The following AKAP8L variants were observed in gnomAD, a reference collection of about 807,000 sequenced individuals.
AKAP8L encodes the protein A-kinase anchoring protein 8 like, also known as A-kinase anchor protein 8-like.
In AKAP8L, 34 loss-of-function variants were observed where a neutral mutation model predicts 77.5. The ratio of observed to expected loss-of-function variants is 0.44; its 90% CI spans 0.33 to 0.58. AKAP8L has a LOEUF of 0.58. Among genes scored for constraint, AKAP8L ranks in the 20% least tolerant of loss-of-function variants. AKAP8L has a pLI of 0.02. For synonymous variants in AKAP8L, 342 were observed against 340.7 expected (o/e 1.00, Z -0.04); for missense variants, 806 against 887.6 (o/e 0.91, Z 1.17).
chr19:15,393,854 G>A (rs865964201), intron 12 of AKAP8L, among the ~76,000 whole-genome samples: 2 of 146,416 alleles, frequency 1.4e-5, no homozygotes, highest in Admixed American at 7.0e-5. Context: ...GGTGAGCCGA[G>A]ATCGCGCCAT....
chr19:15,410,960 G>C (rs1030999305), intron 1 of AKAP8L, among the ~76,000 whole-genome samples: 1 of 151,982 alleles, frequency 6.6e-6, no homozygotes, highest in South Asian at 2.1e-4. Context: ...CTATACGTTC[G>C]TGCCATCATT....
In AKAP8L at chr19:15,401,162, T is replaced by C. The variant is rs1967889120; in HGVS notation, c.804A>G (p.Thr268=). The C allele has an allele frequency of 6.2e-7, 1 of 1,606,384 alleles. No individual in the cohort carries two copies. Among genetic ancestry groups the C allele is most frequent in the Admixed American group, 1.7e-5 (1 of 59,940 alleles). Residue 268 remains threonine, a synonymous_variant, in exon 5 of 14, where the codon ACA becomes ACG. Transcript: ENST00000397410. The surrounding 1 kb of genome is among the most constrained non-coding windows in gnomAD (Gnocchi z 6.2). ...QMRRTWKTWT[T]ADFRTKKKKR... is the part of the protein sequence containing the mutation. ...TGCCTCCACTCACTCGGAAGTCGGC[T>C]GTGGTCCAGGTCTTCCAGGTCCGCC... is the stretch of plus-strand genomic sequence containing the variant.
intron 12 of AKAP8L, among the ~76,000 whole-genome samples, chr19:15,391,588 C>CTGG (rs1348843221): frequency 0.8 from 118,746 of 149,098 alleles, 47,544 homozygotes; most frequent in East Asian, 0.99. Flanking sequence ...CTCCCAGGCA[C>CTGG]AGTGCAGTGG....
intron 2 of AKAP8L, among the ~76,000 whole-genome samples, chr19:15,408,359 AT>A (rs2145144152): frequency 6.7e-6 from 1 of 150,018 alleles, no homozygotes; most frequent in East Asian, 2.0e-4. Flanking sequence ...GAGATGGGGA[AT>A]TCAAGACCAG....
chr19:15,388,137 G>A (rs939842046), intron 12 of AKAP8L, among the ~76,000 whole-genome samples: 5 of 152,012 alleles, frequency 3.3e-5, no homozygotes, highest in Admixed American at 3.3e-4. Context: ...CGAGCCCATG[G>A]CTTCCTCCCT....
chr19:15,416,098 A>G (rs1369436066), intron 1 of AKAP8L, among the ~76,000 whole-genome samples: 3 of 151,802 alleles, frequency 2.0e-5, no homozygotes, highest in African/African-American at 7.3e-5. Context: ...AAGTGTTGTG[A>G]TTACAAGTGT....
intron 12 of AKAP8L, among the ~76,000 whole-genome samples, chr19:15,390,857 A>G (rs761194994): frequency 1.3e-5 from 2 of 152,250 alleles, no homozygotes; most frequent in Non-Finnish European, 2.9e-5. Flanking sequence ...AGCATTTGAC[A>G]AAGTCCAACA....
Position 15,401,541 on chromosome 19 carries a change from G to A in AKAP8L, c.425C>T (p.Ser142Leu), listed in dbSNP as rs1358534018. 1 of 1,613,532 alleles carries A rather than the reference G, an allele frequency of 6.2e-7. No individual in the cohort carries two copies. Among genetic ancestry groups the A allele is most frequent in the Non-Finnish European group, 8.5e-7 (1 of 1,179,800 alleles). Residue 142 changes from serine (S) to leucine (L), a missense_variant, in exon 5 of 14, where the codon TCA (serine) becomes TTA (leucine). By Grantham distance (145) the Ser-to-Leu change is moderately radical (BLOSUM62 -2). Transcript: ENST00000397410. The surrounding 1 kb of genome is among the most constrained non-coding windows in gnomAD (Gnocchi z 6.2). ...GTCAAGCTCGCTGTAGTCATAGCCT[G>A]ACCGGTACAGGTCGCGCTCACTCAG... is the stretch of plus-strand genomic sequence containing the variant. ...AVLSERDLYR[S>L]GYDYSELDPE... is the part of the protein sequence containing the mutation.
chr19:15,418,314 T>C (rs78392860), intron 1 of AKAP8L, among the ~76,000 whole-genome samples: 1,797 of 152,340 alleles, frequency 0.012, 23 homozygotes, highest in African/African-American at 0.041. Flanking sequence ...GGAATTAACA[T>C]GGAACCTTGT....
intron 12 of AKAP8L, among the ~76,000 whole-genome samples, chr19:15,390,718 AC>A (rs1354521374): frequency 1.3e-5 from 2 of 152,200 alleles, no homozygotes; most frequent in Non-Finnish European, 2.9e-5. Flanking sequence ...ACATAATTAC[AC>A]ACTATGACCA....
Position 15,397,711 on chromosome 19 carries a change from C to T in AKAP8L, c.1299+3G>A. 4 of 1,614,014 alleles carry T rather than the reference C, an allele frequency of 2.5e-6. No homozygotes were observed. The highest frequency in any genetic ancestry group is 1.7e-4 in the Middle Eastern group (1 of 6,058). On this transcript the variant is annotated splice_donor_region_variant and intron_variant, in intron 10 of 13. Transcript: ENST00000397410. The surrounding 1 kb of genome is among the most constrained non-coding windows in gnomAD (Gnocchi z 4.7). ...AGAGCGGCTGTGTTACTCCAAGGCT[C>T]ACCTGCAGAAAGTCAGCCGTCTGCT...
chr19:15,405,047 C>T (rs1358359434), intron 2 of AKAP8L, among the ~76,000 whole-genome samples: 1 of 152,194 alleles, frequency 6.6e-6, no homozygotes, highest in Admixed American at 6.5e-5. Context: ...GCTTCTCATC[C>T]ATTTGTTTAT....
At chr19:15,414,921 C>T (rs1968176502) in intron 1 of AKAP8L, among the ~76,000 whole-genome samples, 1 of 152,220 alleles carries the variant, frequency 6.6e-6, no homozygotes, top group Non-Finnish European at 1.5e-5. Context: ...ACTTCAGTCT[C>T]CTGTATAGCT....
At position 15,398,793 on chromosome 19, in the gene AKAP8L, G is replaced by A; in HGVS notation, c.1157+509C>T. 1 of 1,002,756 alleles carries A rather than the reference G, an allele frequency of 1.0e-6. No homozygotes were observed. Among genetic ancestry groups the A allele is most frequent in the Non-Finnish European group, 1.2e-6 (1 of 840,754 alleles). 62.1% of individuals were successfully genotyped at this position (1,002,756 alleles called of 1,614,324 possible). A position where few individuals can be genotyped will look rare whatever the true frequency, so the allele number is the denominator to read the frequency against. On this transcript the variant is annotated intron_variant, in intron 9 of 13. Coordinates refer to ENST00000397410, the MANE Select transcript of AKAP8L (RefSeq NM_014371.4). This position sits in a 1 kb window ranked among gnomAD's most constrained non-coding sequence, Gnocchi z 9.2. ...TGAGGGCAGACAGACCCGACCAAGG[G>A]GCGTGAAGGGCTCAGCCGCAGACAG...
intron 12 of AKAP8L, among the ~76,000 whole-genome samples, chr19:15,390,570 C>G (rs1487716115): frequency 6.6e-6 from 1 of 152,104 alleles, no homozygotes; most frequent in Non-Finnish European, 1.5e-5. Context: ...AAAATGACAA[C>G]TGTATGAGGC....
chr19:15,388,124 G>C (rs1967579528), intron 12 of AKAP8L, among the ~76,000 whole-genome samples: 1 of 152,134 alleles, frequency 6.6e-6, no homozygotes, highest in Non-Finnish European at 1.5e-5. Flanking sequence ...CTGGGAAAAA[G>C]AGCGAGCCCA....
Position 15,399,249 on chromosome 19 carries a change from G to T in AKAP8L, c.1157+53C>A. On this transcript the variant is annotated intron_variant, in intron 9 of 13. Coordinates refer to ENST00000397410, the MANE Select transcript of AKAP8L (RefSeq NM_014371.4). The surrounding 1 kb of genome is among the most constrained non-coding windows in gnomAD (Gnocchi z 6.1). ...GGCAGAGCTATGGCCCTGCTCTCCT[G>T]GCGGCAGCCCCACAGCGAGGCAGAG... The T allele has an allele frequency of 6.6e-7, 1 of 1,524,652 alleles. No individual in the cohort carries two copies. The highest frequency in any genetic ancestry group is 9.1e-7 in the Non-Finnish European group (1 of 1,099,552). 94.4% of individuals were successfully genotyped at this position (1,524,652 alleles called of 1,614,324 possible).
intron 12 of AKAP8L, among the ~76,000 whole-genome samples, chr19:15,385,662 C>T (rs6512028): frequency 0.8 from 121,241 of 151,960 alleles, 48,640 homozygotes; most frequent in East Asian, 0.99. Context: ...TGCAGTGGCA[C>T]GATCACAGCT....
chr19:15,418,115 T>G (rs967344149), intron 1 of AKAP8L, among the ~76,000 whole-genome samples: 2 of 152,188 alleles, frequency 1.3e-5, no homozygotes, highest in Non-Finnish European at 2.9e-5. Flanking sequence ...AAATGTCACC[T>G]CTTTACAGAA....
Sources: allele counts gnomAD v4.1 joint callset (sites outside exome capture counted in the v4.1 genomes callset), GRCh38; gene constraint gnomAD v4.1.1; non-coding constraint Gnocchi (gnomAD v3.1); transcripts MANE v1.5; gene names NCBI Gene and HGNC (gene_info 2026-07-23, HGNC 2026-07-21).